Variants in CYB5A observed in about 807,000 individuals in gnomAD.
The protein encoded by CYB5A is cytochrome b5 type A.
Under a neutral mutation model 16.2 loss-of-function variants are expected in CYB5A, and 10 were observed. That is an observed-to-expected ratio of 0.62 (90% CI 0.38 to 1.04). The LOEUF (loss-of-function observed/expected upper bound fraction) is 1.04, where lower values mean the gene tolerates loss of function less well. Ranked by LOEUF, CYB5A falls within the 50% of genes least tolerant of loss-of-function variation. CYB5A has a pLI of 0.01. For synonymous variants in CYB5A, 62 were observed against 57.0 expected, an observed-to-expected ratio of 1.09 and a Z score of -0.40; for missense variants, 161 against 165.9, an observed-to-expected ratio of 0.97 and a Z score of 0.16.
intron 1 of CYB5A, among the ~76,000 whole-genome samples, chr18:74,289,200 AT>A (rs1245990576): frequency 6.6e-6 from 1 of 152,132 alleles, no homozygotes; most frequent in East Asian, 1.9e-4. Context: ...AAATAAAGAA[AT>A]TTGTTTTCAG....
At chr18:74,264,295 G>A (rs1045014224) in intron 1 of CYB5A, among the ~76,000 whole-genome samples, 7 of 151,976 alleles carry the variant, frequency 4.6e-5, no homozygotes, top group Non-Finnish European at 1.0e-4. Context: ...ATACAGCTTA[G>A]TAAAAGCATG....
intron 4 of CYB5A, among the ~76,000 whole-genome samples, 200 bp downstream of exon 4, chr18:74,255,541 C>T (rs529444341): frequency 2.0e-5 from 3 of 152,274 alleles, no homozygotes; most frequent in Admixed American, 6.5e-5. Flanking sequence ...AGCTAGATCA[C>T]GTGGCTGTGG....
In CYB5A at chr18:74,272,994, T is replaced by C. The variant is rs1790878; in HGVS notation, c.130-9517A>G. Among the ~76,000 whole-genome samples, 1,063 of 152,312 alleles carry C rather than the reference T, an allele frequency of 7.0e-3. 10 individuals are homozygous for C. Among genetic ancestry groups the C allele is most frequent in the African/African-American group, 0.024 (1,009 of 41,554 alleles). On this transcript the variant is annotated intron_variant, in intron 1 of 4. Coordinates refer to ENST00000340533, the MANE Select transcript of CYB5A (RefSeq NM_148923.4). ...TGTTTTTACTATCATTAAAAATCTG[T>C]TGTCTGAACCTTTTCAGTTACACTT... is the stretch of plus-strand genomic sequence containing the variant.
intron 1 of CYB5A, among the ~76,000 whole-genome samples, chr18:74,278,321 A>G (rs1225206138): frequency 3.3e-5 from 5 of 152,324 alleles, no homozygotes; most frequent in Admixed American, 1.3e-4. Flanking sequence ...GGCACAGTCT[A>G]TCTGGCAGCT....
At chr18:74,291,104 G>A (rs1401571444) in intron 1 of CYB5A, 2 of 164,926 alleles carry the variant, frequency 1.2e-5, no homozygotes, top group Non-Finnish European at 2.6e-5. Context: ...GGCTGCCGCG[G>A]GAAGCGCAGG....
intron 1 of CYB5A, among the ~76,000 whole-genome samples, chr18:74,264,228 A>G (rs1335295964): frequency 4.8e-4 from 12 of 25,080 alleles, no homozygotes; most frequent in Non-Finnish European, 2.0e-3. Flanking sequence ...AAAAAAAAAG[A>G]GAGCGAGAAA....
At chr18:74,288,767 G>A (rs1217510904) in intron 1 of CYB5A, among the ~76,000 whole-genome samples, 4 of 152,196 alleles carry the variant, frequency 2.6e-5, no homozygotes, top group Admixed American at 6.5e-5. Flanking sequence ...CCCAGAGAGA[G>A]GCTCCCAGAG....
intron 1 of CYB5A, among the ~76,000 whole-genome samples, chr18:74,275,664 C>G (rs976275852): frequency 6.6e-6 from 1 of 152,152 alleles, no homozygotes; most frequent in East Asian, 1.9e-4. Flanking sequence ...GTCCGAGCCT[C>G]GAGAAGCTTC....
At chr18:74,261,932 C>T (rs1175106481) in intron 2 of CYB5A, among the ~76,000 whole-genome samples, 3 of 152,178 alleles carry the variant, frequency 2.0e-5, no homozygotes, top group Non-Finnish European at 4.4e-5. Flanking sequence ...AACCATGCAC[C>T]ACAAGTGGGA....
At chr18:74,253,732 C>A in intron 4 of CYB5A, 67 bp from the exon 5 acceptor site, 1 of 1,065,766 alleles carries the variant, frequency 9.4e-7, no homozygotes, top group East Asian at 2.4e-5. Context: ...AATCTTTGCT[C>A]CTTCTAACAG....
chr18:74,260,842 C>A, intron 3 of CYB5A, 73 bp downstream of exon 3: 1 of 1,302,216 alleles, frequency 7.7e-7, no homozygotes, highest in Non-Finnish European at 1.1e-6. Flanking sequence ...TAAATAAAAA[C>A]CCTCTGCCTT....
chr18:74,266,633 G>A (rs1982445580), intron 1 of CYB5A, among the ~76,000 whole-genome samples: 1 of 151,930 alleles, frequency 6.6e-6, no homozygotes, highest in Non-Finnish European at 1.5e-5. Flanking sequence ...GTACAACAGG[G>A]CAACTCCTCA....
intron 1 of CYB5A, among the ~76,000 whole-genome samples, chr18:74,289,218 T>C (rs1240441127): frequency 6.6e-6 from 1 of 152,254 alleles, no homozygotes; most frequent in African/African-American, 2.4e-5. Context: ...TCAGCTAATT[T>C]ACCCACTCAA....
intron 2 of CYB5A, 31 bp downstream of exon 2, chr18:74,263,318 A>C: frequency 6.2e-7 from 1 of 1,613,882 alleles, no homozygotes; most frequent in Non-Finnish European, 8.5e-7. Flanking sequence ...CCTTAAATAC[A>C]AATAAGAAAG....
chr18:74,279,057 C>A (rs780083088), intron 1 of CYB5A, among the ~76,000 whole-genome samples: 5 of 152,208 alleles, frequency 3.3e-5, no homozygotes, highest in Non-Finnish European at 7.3e-5. Flanking sequence ...CACTGTGGCA[C>A]CAGTCCTGCC....
chr18:74,268,385 G>A (rs1982532732), intron 1 of CYB5A, among the ~76,000 whole-genome samples: 1 of 152,154 alleles, frequency 6.6e-6, no homozygotes, highest in African/African-American at 2.4e-5. Context: ...TTCAGGACCT[G>A]GGAGAGAAGG....
Position 74,260,957 on chromosome 18 carries a change from G to A in CYB5A, c.259-13C>T. ...TTGGTCTGTCATCCTGCAATGAAAA[G>A]ATAAGGCACATTATGGAATTTAAAA... On this transcript the variant is annotated splice_polypyrimidine_tract_variant and intron_variant, in intron 2 of 4. Transcript: ENST00000340533. 1 of 1,608,640 alleles carries A rather than the reference G, an allele frequency of 6.2e-7. No individual in the cohort carries two copies. The highest frequency in any genetic ancestry group is 1.1e-5 in the South Asian group (1 of 90,944).
At chr18:74,277,788 A>G (rs1046519897) in intron 1 of CYB5A, among the ~76,000 whole-genome samples, 1 of 152,188 alleles carries the variant, frequency 6.6e-6, no homozygotes, top group African/African-American at 2.4e-5. Context: ...ACACAGACAC[A>G]TAGAGGCCCT....
At chr18:74,259,824 C>G (rs1351860293) in intron 3 of CYB5A, 1 of 152,162 alleles carries the variant, frequency 6.6e-6, no homozygotes, top group African/African-American at 2.4e-5. Context: ...AATGAACTCA[C>G]AGCAAGGATT....
Sources: gnomAD v4.1 joint callset for allele counts (sites outside exome capture counted in the v4.1 genomes callset) on GRCh38, gnomAD v4.1.1 for gene constraint, MANE v1.5 for transcripts, NCBI Gene and HGNC (gene_info 2026-07-23, HGNC 2026-07-21) for gene names.